Variants in FAM171B observed in about 807,000 individuals in gnomAD.
FAM171B encodes family with sequence similarity 171 member B, also known as protein FAM171B.
FAM171B carries 19 observed loss-of-function variants against 75.6 expected under a neutral mutation model. That is an observed-to-expected ratio of 0.25 (90% CI 0.18 to 0.37). FAM171B has a LOEUF of 0.37. Among genes scored for constraint, FAM171B ranks in the 10% least tolerant of loss-of-function variants. The pLI is 1.00. For synonymous variants in FAM171B, 367 were observed against 361.7 expected (o/e 1.01, Z -0.17); for missense variants, 848 against 982.4 (o/e 0.86, Z 1.83).
At chr2:186,758,511 A>C (rs1690567397) in intron 6 of FAM171B, among the ~76,000 whole-genome samples, 1 of 152,096 alleles carries the variant, frequency 6.6e-6, no homozygotes, top group South Asian at 2.1e-4. Context: ...CTGCCCCACC[A>C]CTCACTCTTC....
chr2:186,708,571 T>C (rs952928074), intron 1 of FAM171B, among the ~76,000 whole-genome samples: 2 of 152,206 alleles, frequency 1.3e-5, no homozygotes, highest in Admixed American at 1.3e-4. Flanking sequence ...TAATTTGGCC[T>C]GAGTTTCCCA....
chr2:186,723,924 C>T (rs968846095), intron 1 of FAM171B, among the ~76,000 whole-genome samples: 2 of 152,088 alleles, frequency 1.3e-5, no homozygotes, highest in African/African-American at 2.4e-5. Context: ...TTCAAATATT[C>T]GTTCATTCAG....
intron 1 of FAM171B, among the ~76,000 whole-genome samples, chr2:186,697,013 T>C (rs1361814112): frequency 6.6e-6 from 1 of 151,870 alleles, no homozygotes; most frequent in Admixed American, 6.6e-5. Context: ...GACGGATGGA[T>C]GGATGGATGG....
chr2:186,733,321 G>A (rs1367005620), intron 1 of FAM171B, among the ~76,000 whole-genome samples: 1 of 152,204 alleles, frequency 6.6e-6, no homozygotes, highest in African/African-American at 2.4e-5. Flanking sequence ...AATTTATCAA[G>A]GCAGGGGAAT....
rs1375962568 is a variant in FAM171B at position 186,763,773 on chromosome 2, T to C, written c.*950T>C. 3 of 152,136 alleles carry C rather than the reference T, an allele frequency of 2.0e-5. No homozygotes were observed. The highest frequency in any genetic ancestry group is 2.9e-5 in the Non-Finnish European group (2 of 67,948). 9.4% of individuals were successfully genotyped at this position (152,136 alleles called of 1,614,324 possible). On this transcript the variant is annotated 3_prime_UTR_variant, in exon 8 of 8. Transcript: ENST00000304698. ...GTTTCTTTTGAACACTAAAATAAAA[T>C]ATGTGCAGATAAAATATACATTGAT...
intron 1 of FAM171B, among the ~76,000 whole-genome samples, chr2:186,696,613 C>A (rs138244748): frequency 1.3e-3 from 197 of 149,992 alleles, no homozygotes; most frequent in Non-Finnish European, 2.3e-3. Context: ...TAGCCCTTAC[C>A]CTAACTCTCT....
Position 186,761,621 on chromosome 2 carries a change from T to A in FAM171B, c.1279T>A (p.Leu427Ile), listed in dbSNP as rs774325436. ...VALKAEDKSQ[L>I]FNAKNSSYSP... ...ATTAAAAGCTGAGGACAAGTCGCAG[T>A]TATTCAATGCCAAAAACTCCTCATA... Residue 427 changes from leucine to isoleucine, a missense_variant, in exon 8 of 8, where the codon TTA (leucine) becomes ATA (isoleucine). Leu to Ile is a conservative substitution (Grantham distance 5). Around this residue, in one of 3 missense-constraint regions of FAM171B, gnomAD observed 665 missense variants for 729.0 expected, o/e 0.91. Transcript: ENST00000304698. 3 of 1,613,204 alleles carry A rather than the reference T, an allele frequency of 1.9e-6. No individual in the cohort carries two copies. The African/African-American group carries it at 4.0e-5, about 22-fold the overall frequency.
In FAM171B at chr2:186,740,277, G is replaced by A; in HGVS notation, c.288G>A (p.Gln96=). ...KVQVNDIISR[Q]YLSQAVVEVF... is the part of the protein sequence containing the mutation. ...AGGTGAATGACATCATCAGTCGTCAGTACCTGAGCCAAGCAGTTGTAGAAG... is the reference window on the plus strand; with the variant it reads ...AGGTGAATGACATCATCAGTCGTCAATACCTGAGCCAAGCAGTTGTAGAAG... The change falls in exon 2 of 8, where the codon CAG becomes CAA. Residue 96 remains glutamine, a synonymous_variant. Transcript: ENST00000304698. 4.3e-6 allele frequency: 7 copies of A among 1,614,022 alleles called. No individual in the cohort carries two copies. Among genetic ancestry groups the A allele is most frequent in the Non-Finnish European group, 4.2e-6 (5 of 1,179,932 alleles).
In FAM171B at chr2:186,733,191, A is replaced by G. The variant is rs138612312; in HGVS notation, c.239-7037A>G. ...TGAATCTTCGTTTTTTGAAATCAATAAAATGGATTTGATGTTACAAATTTT... is the reference window on the plus strand; with the variant it reads ...TGAATCTTCGTTTTTTGAAATCAATGAAATGGATTTGATGTTACAAATTTT... On this transcript the variant is annotated intron_variant, in intron 1 of 7. Coordinates refer to ENST00000304698, the MANE Select transcript of FAM171B (RefSeq NM_177454.4). Among the ~76,000 whole-genome samples the G allele has an allele frequency of 2.4e-3, 363 of 152,312 alleles. 1 individual carries two copies. Among genetic ancestry groups the G allele is most frequent in the African/African-American group, 8.4e-3 (349 of 41,570 alleles).
At chr2:186,751,473 G>A (rs1343524879) in intron 5 of FAM171B, among the ~76,000 whole-genome samples, 169 bp downstream of exon 5, 1 of 151,950 alleles carries the variant, frequency 6.6e-6, no homozygotes, top group Admixed American at 6.6e-5. Flanking sequence ...ACAACCATTG[G>A]GCAAATGATG....
chr2:186,695,861 C>A (rs1689571180), intron 1 of FAM171B, among the ~76,000 whole-genome samples: 1 of 152,104 alleles, frequency 6.6e-6, no homozygotes, highest in African/African-American at 2.4e-5. Context: ...GATTGATTGG[C>A]CTCATTAATA....
intron 1 of FAM171B, among the ~76,000 whole-genome samples, chr2:186,728,874 A>AT (rs1299794488): frequency 6.6e-6 from 1 of 152,116 alleles, no homozygotes; most frequent in Non-Finnish European, 1.5e-5. Flanking sequence ...AAGAAGTGGG[A>AT]TTGTGATATT....
Position 186,751,449 on chromosome 2 carries a change from TTGA to T in FAM171B, c.895+147_895+149del, listed in dbSNP as rs779189338. On this transcript the variant is annotated intron_variant, in intron 5 of 7. Transcript: ENST00000304698. ...GTTAGTGACCAAAATTGACTTCACT[TTGA>T]TTAATATAATACAACCATTGGGCAA... The T allele has an allele frequency of 5.0e-6, 3 of 603,026 alleles. No individual in the cohort carries two copies. In the South Asian group the frequency reaches 1.6e-4, roughly 32 times the overall value. The allele number at this position is 603,026 out of a possible 1,614,324, so 37.4% of individuals were successfully genotyped here. A position where few individuals can be genotyped will look rare whatever the true frequency, so the allele number is the denominator to read the frequency against.
intron 1 of FAM171B, among the ~76,000 whole-genome samples, chr2:186,699,731 T>G (rs1559079822): frequency 6.6e-6 from 1 of 152,320 alleles, no homozygotes; most frequent in East Asian, 1.9e-4. Context: ...CCCAGTGTTT[T>G]TTTGTGGTAG....
chr2:186,704,059 A>G (rs1282739176), intron 1 of FAM171B, among the ~76,000 whole-genome samples: 1 of 152,206 alleles, frequency 6.6e-6, no homozygotes, highest in Non-Finnish European at 1.5e-5. Context: ...ATTTAAATGA[A>G]CTGGTACTTT....
intron 6 of FAM171B, among the ~76,000 whole-genome samples, chr2:186,758,309 A>G (rs898338850): frequency 7.9e-5 from 12 of 152,206 alleles, no homozygotes; most frequent in Admixed American, 2.0e-4. Flanking sequence ...GAGAGTTCCA[A>G]TTCAGGCACT....
chr2:186,694,440 T>C, intron 1 of FAM171B, 29 bp downstream of exon 1: 1 of 1,595,000 alleles, frequency 6.3e-7, no homozygotes, highest in South Asian at 1.1e-5. Flanking sequence ...GCCCGGTCTT[T>C]CAGTCTCGGC....
chr2:186,751,363 G>T, intron 5 of FAM171B, 59 bp downstream of exon 5: 1 of 1,392,382 alleles, frequency 7.2e-7, no homozygotes, highest in East Asian at 2.4e-5. Flanking sequence ...TTGACTAGCT[G>T]GATGTTTTAT....
At chr2:186,734,432 C>A (rs150569338) in intron 1 of FAM171B, among the ~76,000 whole-genome samples, 6 of 151,738 alleles carry the variant, frequency 4.0e-5, no homozygotes, top group Non-Finnish European at 8.8e-5. Context: ...GAGCGTGCAG[C>A]CCTCAATGGA....
Sources: allele counts gnomAD v4.1 joint callset (sites outside exome capture counted in the v4.1 genomes callset), GRCh38; gene constraint gnomAD v4.1.1; regional missense constraint gnomAD v4.1.1; transcripts MANE v1.5; gene names NCBI Gene and HGNC (gene_info 2026-07-23, HGNC 2026-07-21).